Variants in EPHX1 observed in about 807,000 individuals in gnomAD.
EPHX1 encodes epoxide hydrolase 1.
Under a neutral mutation model 43.2 loss-of-function variants are expected in EPHX1, and 40 were observed. The ratio of observed to expected loss-of-function variants is 0.93; its 90% CI spans 0.72 to 1.21. EPHX1 has a LOEUF of 1.21. Ranked by LOEUF, EPHX1 falls within the 50% of genes most tolerant of loss-of-function variation. The pLI, the probability that EPHX1 is intolerant of heterozygous loss-of-function variation, is 0.00. For synonymous variants in EPHX1, 221 were observed against 226.7 expected (o/e 0.98, Z 0.22); for missense variants, 550 against 570.4 (o/e 0.96, Z 0.36).
chr1:225,826,950 G>T (rs898875001), intron 1 of EPHX1, among the ~76,000 whole-genome samples: 2 of 152,056 alleles, frequency 1.3e-5, no homozygotes, highest in African/African-American at 2.4e-5. Context: ...GAGGTGGGGG[G>T]TGCCAAGCTG....
intron 1 of EPHX1, among the ~76,000 whole-genome samples, chr1:225,824,698 C>T (rs1049441628): frequency 6.6e-6 from 1 of 152,198 alleles, no homozygotes; most frequent in African/African-American, 2.4e-5. Context: ...GGTGTGGAGC[C>T]GTGGTGACCC....
intron 3 of EPHX1, chr1:225,832,184 C>G: frequency 1.8e-6 from 1 of 566,124 alleles, no homozygotes; most frequent in Non-Finnish European, 3.2e-6. Flanking sequence ...AATTTAAAAA[C>G]CAAAGAAATG....
intron 8 of EPHX1, 143 bp downstream of exon 8, chr1:225,844,766 C>G: frequency 7.3e-7 from 1 of 1,374,216 alleles, no homozygotes; most frequent in Non-Finnish European, 9.9e-7. Flanking sequence ...GATGGGAACA[C>G]TAAAGGTCGA....
In EPHX1 at chr1:225,825,812, C is replaced by A. The variant is rs532515373; in HGVS notation, c.-5-2913C>A. On this transcript the variant is annotated intron_variant, in intron 1 of 8. Coordinates refer to ENST00000272167, the MANE Select transcript of EPHX1 (RefSeq NM_001136018.4). Reference sequence around the variant, plus strand: ...ATCTGCCTGCCCAGTGAAGTGTGTTCAGCTGCTCCTGTTGCTGGGGGAAGC... The same window carrying A: ...ATCTGCCTGCCCAGTGAAGTGTGTTAAGCTGCTCCTGTTGCTGGGGGAAGC... Among the ~76,000 whole-genome samples the A allele has an allele frequency of 1.6e-4, 24 of 152,336 alleles. No homozygotes were observed. The East Asian group carries it at 4.0e-3, about 26-fold the overall frequency.
At chr1:225,844,432 T>G in intron 7 of EPHX1, 66 bp from the exon 8 acceptor site, 1 of 1,613,426 alleles carries the variant, frequency 6.2e-7, no homozygotes, top group Non-Finnish European at 8.5e-7. Flanking sequence ...TAGGACTTTC[T>G]GGCTGCCCTT....
chr1:225,823,307 A>T (rs996180575), intron 1 of EPHX1, among the ~76,000 whole-genome samples: 1 of 152,134 alleles, frequency 6.6e-6, no homozygotes, highest in African/African-American at 2.4e-5. Context: ...CTGGGATTAC[A>T]GTCATGAGCT....
rs1224952307 is a variant in EPHX1 at position 225,834,106 on chromosome 1, A to AT, written c.364+2147_364+2148insT. Among the ~76,000 whole-genome samples, 4 of 80,460 alleles carry AT rather than the reference A, an allele frequency of 5.0e-5. No homozygotes were observed. The East Asian group carries it at 1.5e-3, about 31-fold the overall frequency. The allele number at this position is 80,460 out of a possible 152,430, so 52.8% of individuals were successfully genotyped here. A position where few individuals can be genotyped will look rare whatever the true frequency, so the allele number is the denominator to read the frequency against. On this transcript the variant is annotated intron_variant, in intron 3 of 8. Transcript: ENST00000272167. ...GGGCAAGACTCTGTCTCAAAAAAAA[A>AT]AAAAAGAAAAAAAAAAAAAGCCGGG...
intron 1 of EPHX1, among the ~76,000 whole-genome samples, chr1:225,816,320 C>G (rs1380402534): frequency 6.6e-6 from 1 of 151,234 alleles, no homozygotes; most frequent in Non-Finnish European, 1.5e-5. Flanking sequence ...ACAAGTTATT[C>G]TAACTTTTTT....
chr1:225,822,220 C>A (rs1451981202), intron 1 of EPHX1, among the ~76,000 whole-genome samples: 2 of 152,148 alleles, frequency 1.3e-5, no homozygotes, highest in African/African-American at 4.8e-5. Context: ...TGACCACTAT[C>A]TTCCAGTCAC....
chr1:225,844,991 G>A (rs2102793997), intron 8 of EPHX1, among the ~76,000 whole-genome samples, 155 bp from the exon 9 acceptor site: 1 of 152,286 alleles, frequency 6.6e-6, no homozygotes, highest in East Asian at 1.9e-4. Context: ...CTCAGTGAGG[G>A]GAGAGCGGTT....
At chr1:225,843,474 ATC>A (rs1411164053) in intron 7 of EPHX1, among the ~76,000 whole-genome samples, 1 of 152,174 alleles carries the variant, frequency 6.6e-6, no homozygotes, top group Non-Finnish European at 1.5e-5. Context: ...TTCGTCTGGG[ATC>A]TGTTTCCCCT....
intron 1 of EPHX1, among the ~76,000 whole-genome samples, chr1:225,824,733 C>T (rs1355232256): frequency 2.6e-5 from 4 of 152,194 alleles, no homozygotes; most frequent in Admixed American, 6.5e-5. Flanking sequence ...AGGGTGGGCT[C>T]CTTGGGCTTG....
rs754290186 is a variant in EPHX1, at chr1:225,838,786, AC to A, written c.501del (p.Lys168ArgfsTer5). The A allele has an allele frequency of 6.2e-7, 1 of 1,613,940 alleles. No individual in the cohort carries two copies. Among genetic ancestry groups the A allele is most frequent in the Non-Finnish European group, 8.5e-7 (1 of 1,179,970 alleles). On this transcript the variant is annotated frameshift_variant, in exon 4 of 9. Transcript: ENST00000272167. LOFTEE classifies it high-confidence loss of function. The part of the protein sequence containing the change: ...EFYKIIPLLT[D>X]PKNHGLSDEH... ...TATAAGATCATCCCACTCCTGACTG[AC>A]CCCAAGAACCATGGCCTGAGCGATG...
At chr1:225,825,007 G>A (rs993221845) in intron 1 of EPHX1, among the ~76,000 whole-genome samples, 2 of 152,216 alleles carry the variant, frequency 1.3e-5, no homozygotes, top group Non-Finnish European at 2.9e-5. Flanking sequence ...AGCCAAGCAA[G>A]TACTAATATT....
chr1:225,828,772 A>G lies in EPHX1; in HGVS notation c.43A>G (p.Ile15Val), dbSNP rs900304435. 5 of 1,613,492 alleles carry G rather than the reference A, an allele frequency of 3.1e-6. No homozygotes were observed. Among genetic ancestry groups the G allele is most frequent in the Admixed American group, 1.7e-5 (1 of 59,934 alleles). ...ILLTSVLGFA[I>V]YWFISRDKEE... ...CCTCACTTCAGTGCTGGGCTTTGCC[A>G]TCTACTGGTTCATCTCCCGGGACAA... The change falls in exon 2 of 9, where the codon ATC (isoleucine) becomes GTC (valine). Residue 15 changes from isoleucine (I) to valine (V), a missense_variant. By Grantham distance (29) the Ile-to-Val change is conservative. Transcript: ENST00000272167.
intron 2 of EPHX1, among the ~76,000 whole-genome samples, chr1:225,831,546 CAAAA>C (rs75126131): frequency 1.3e-4 from 14 of 104,672 alleles, no homozygotes; most frequent in East Asian, 2.9e-4. Flanking sequence ...GACCCTATCT[CAAAA>C]AAAAAAAAAG....
chr1:225,835,447 T>G (rs1667904298), intron 3 of EPHX1, among the ~76,000 whole-genome samples: 1 of 145,990 alleles, frequency 6.8e-6, no homozygotes. Flanking sequence ...TGGAGTGCAG[T>G]GACGCAATCT....
rs1388989890 is a variant in EPHX1 at position 225,832,103 on chromosome 1, A to G, written c.364+144A>G. The G allele has an allele frequency of 6.9e-6, 6 of 867,470 alleles. 1 individual carries two copies. In the South Asian group the frequency reaches 8.7e-5, roughly 13 times the overall value. The allele number at this position is 867,470 out of a possible 1,614,324, so 53.7% of individuals were successfully genotyped here. Reference sequence around the variant, plus strand: ...AGATGTACTTATACGTTGTAACCTTACTAAATGCAAAAATATTGCAGTCAC... The same window carrying G: ...AGATGTACTTATACGTTGTAACCTTGCTAAATGCAAAAATATTGCAGTCAC... On this transcript the variant is annotated intron_variant, in intron 3 of 8. Coordinates refer to ENST00000272167, the MANE Select transcript of EPHX1 (RefSeq NM_001136018.4).
At chr1:225,844,440 C>T in intron 7 of EPHX1, 58 bp from the exon 8 acceptor site, 1 of 1,613,494 alleles carries the variant, frequency 6.2e-7, no homozygotes, top group Non-Finnish European at 8.5e-7. Context: ...TCTGGCTGCC[C>T]TTTGTCACAC....
Sources: allele counts gnomAD v4.1 joint callset (sites outside exome capture counted in the v4.1 genomes callset), GRCh38; gene constraint gnomAD v4.1.1; transcripts MANE v1.5; gene names NCBI Gene and HGNC (gene_info 2026-07-23, HGNC 2026-07-21).